Variants in TMEM117 observed in about 807,000 individuals in gnomAD.
The protein encoded by TMEM117 is transmembrane protein 117.
A neutral mutation model predicts 52.4 loss-of-function variants in TMEM117; 27 were observed. The observed-to-expected ratio is 0.51, with a 90% CI of 0.38 to 0.71. The LOEUF (loss-of-function observed/expected upper bound fraction) is 0.71, where lower values mean the gene tolerates loss of function less well. Among genes scored for constraint, TMEM117 ranks in the 30% least tolerant of loss-of-function variants. The probability of loss-of-function intolerance (pLI) is 0.00; values close to 1 mark genes in which losing one functional copy is unlikely to be tolerated. For missense variants in TMEM117, 556 were observed against 630.5 expected, an observed-to-expected ratio of 0.88 and a Z score of 1.26; for synonymous variants, 215 against 206.3, an observed-to-expected ratio of 1.04 and a Z score of -0.36.
chr12:44,284,920 A>G (rs1950620201), intron 5 of TMEM117, among the ~76,000 whole-genome samples: 1 of 152,258 alleles, frequency 6.6e-6, no homozygotes, highest in Non-Finnish European at 1.5e-5. Flanking sequence ...GCTACTTTTA[A>G]GTGCCTCTCA....
intron 6 of TMEM117, among the ~76,000 whole-genome samples, chr12:44,341,168 T>C (rs1951411476): frequency 1.3e-5 from 2 of 151,394 alleles, no homozygotes; most frequent in South Asian, 4.2e-4. Context: ...CCCAGCTAAT[T>C]AGAAAAAAAA....
At chr12:44,331,688 T>C (rs188540222) in intron 6 of TMEM117, among the ~76,000 whole-genome samples, 1 of 152,214 alleles carries the variant, frequency 6.6e-6, no homozygotes, top group East Asian at 1.9e-4. Flanking sequence ...ATATTAACTA[T>C]CTTTCCAAGC....
At chr12:44,011,022 TTG>T (rs567025445) in intron 3 of TMEM117, among the ~76,000 whole-genome samples, 184 of 152,338 alleles carry the variant, frequency 1.2e-3, no homozygotes, top group African/African-American at 4.1e-3. Flanking sequence ...ATCATTTCCC[TTG>T]TCTCTGAAGA....
chr12:44,386,755 T>C (rs1017279644), intron 7 of TMEM117, among the ~76,000 whole-genome samples: 1 of 152,090 alleles, frequency 6.6e-6, no homozygotes, highest in African/African-American at 2.4e-5. Flanking sequence ...TGGCTCAAGA[T>C]CACACAGCTA....
chr12:43,807,103 G>A, the TMEM117 span, among the ~76,000 whole-genome samples: 39 of 152,200 alleles, frequency 2.6e-4, no homozygotes, highest in African/African-American at 8.9e-4. Flanking sequence ...CTTCCTGAAA[G>A]GTAATGTTAG....
At chr12:44,199,065 A>G (rs934332185) in intron 4 of TMEM117, among the ~76,000 whole-genome samples, 6 of 152,150 alleles carry the variant, frequency 3.9e-5, no homozygotes, top group Non-Finnish European at 5.9e-5. Flanking sequence ...CTCTTCTCCA[A>G]TTTAAATTCT....
intron 5 of TMEM117, among the ~76,000 whole-genome samples, chr12:44,228,932 G>A (rs1291347845): frequency 6.6e-6 from 1 of 152,114 alleles, no homozygotes; most frequent in African/African-American, 2.4e-5. Context: ...TCTAGTTGCT[G>A]TATGGAGAAT....
chr12:43,910,078 T>C (rs1173530394), intron 2 of TMEM117, among the ~76,000 whole-genome samples: 12 of 113,784 alleles, frequency 1.1e-4, no homozygotes, highest in African/African-American at 3.6e-4. Flanking sequence ...TGATGAACAT[T>C]GATGCAAAAA....
chr12:43,806,448 C>T, the TMEM117 span: 11 of 1,050,886 alleles, frequency 1.0e-5, no homozygotes, highest in East Asian at 1.5e-4. Context: ...TGCGGTCCAG[C>T]CCCCGGCCTC....
intron 3 of TMEM117, among the ~76,000 whole-genome samples, chr12:44,126,823 A>G (rs1948333195): frequency 6.6e-6 from 1 of 152,228 alleles, no homozygotes; most frequent in Non-Finnish European, 1.5e-5. Flanking sequence ...TTTACCTGTT[A>G]TCTGCAGCTG....
chr12:44,325,516 A>G (rs942273664), intron 6 of TMEM117, among the ~76,000 whole-genome samples: 1 of 150,962 alleles, frequency 6.6e-6, no homozygotes, highest in African/African-American at 2.4e-5. Flanking sequence ...TATATTATTT[A>G]TAGCTATTTA....
chr12:44,388,711 T>C lies in TMEM117; in HGVS notation c.*39T>C. 1.3e-6 allele frequency: 2 copies of C among 1,587,620 alleles called. No homozygotes were observed. The highest frequency in any genetic ancestry group is 1.7e-6 in the Non-Finnish European group (2 of 1,168,432). On this transcript the variant is annotated 3_prime_UTR_variant, in exon 8 of 8. Transcript: ENST00000266534. ...CTTGGAGATAACACAAAAAGCAACC[T>C]TGAGTGTAACTTTAAAAATTTAGTC...
the TMEM117 span, among the ~76,000 whole-genome samples, chr12:43,825,234 T>G: frequency 6.6e-6 from 1 of 152,198 alleles, no homozygotes; most frequent in African/African-American, 2.4e-5. Context: ...AAATTGCCAC[T>G]AGTTTACAAG....
chr12:43,994,534 A>G (rs1945996511), intron 3 of TMEM117, among the ~76,000 whole-genome samples: 1 of 152,188 alleles, frequency 6.6e-6, no homozygotes, highest in African/African-American at 2.4e-5. Flanking sequence ...AAAGCAAAAC[A>G]AACATGCAAA....
At chr12:44,254,052 A>G (rs1950228272) in intron 5 of TMEM117, among the ~76,000 whole-genome samples, 1 of 151,528 alleles carries the variant, frequency 6.6e-6, no homozygotes, top group Non-Finnish European at 1.5e-5. Context: ...TAACCAACTC[A>G]ATGACAACAA....
intron 3 of TMEM117, among the ~76,000 whole-genome samples, chr12:44,011,534 G>A (rs909760813): frequency 1.3e-5 from 2 of 151,962 alleles, no homozygotes; most frequent in Admixed American, 6.6e-5. Context: ...CTTGCCTTCC[G>A]TCATGATTGT....
chr12:44,241,423 T>G, intron 5 of TMEM117, among the ~76,000 whole-genome samples: 1 of 151,970 alleles, frequency 6.6e-6, no homozygotes, highest in South Asian at 2.1e-4. Context: ...TTTTAATTTG[T>G]ATTTTTCTTA....
chr12:44,335,733 G>A (rs1951332980), intron 6 of TMEM117, among the ~76,000 whole-genome samples: 1 of 151,936 alleles, frequency 6.6e-6, no homozygotes, highest in Non-Finnish European at 1.5e-5. Context: ...ATATATACCT[G>A]TTTGTAAATC....
intron 3 of TMEM117, among the ~76,000 whole-genome samples, chr12:44,124,630 T>C (rs1166648382): frequency 6.6e-6 from 1 of 152,182 alleles, no homozygotes; most frequent in African/African-American, 2.4e-5. Flanking sequence ...TGAATTTTAT[T>C]AAAGGCCTTT....
Sources: gnomAD v4.1 joint callset for allele counts (sites outside exome capture counted in the v4.1 genomes callset) on GRCh38, gnomAD v4.1.1 for gene constraint, MANE v1.5 for transcripts, NCBI Gene and HGNC (gene_info 2026-07-23, HGNC 2026-07-21) for gene names.